The following DMC1 variants were observed in gnomAD, a reference collection of about 807,000 sequenced individuals.
The protein encoded by DMC1 is meiotic recombination protein DMC1 homolog.
A neutral mutation model predicts 50.1 loss-of-function variants in DMC1; 27 were observed. The ratio of observed to expected loss-of-function variants is 0.54; its 90% CI spans 0.40 to 0.74. The LOEUF (loss-of-function observed/expected upper bound fraction) is 0.74. Among genes scored for constraint, DMC1 ranks in the 30% least tolerant of loss-of-function variants. The pLI is 0.00. For missense variants in DMC1, 295 were observed against 420.2 expected, an observed-to-expected ratio of 0.70 and a Z score of 2.60; for synonymous variants, 148 against 136.1, an observed-to-expected ratio of 1.09 and a Z score of -0.61.
chr22:38,533,276 T>C (rs1205665373), intron 12 of DMC1, among the ~76,000 whole-genome samples: 1 of 149,790 alleles, frequency 6.7e-6, no homozygotes, highest in African/African-American at 2.5e-5. Flanking sequence ...GCGCCTATAG[T>C]CCCAAGCTAC....
chr22:38,542,314 C>T lies in DMC1; in HGVS notation c.495-2902G>A, dbSNP rs1009297323. On this transcript the variant is annotated intron_variant, in intron 8 of 13. Transcript: ENST00000216024. Reference sequence around the variant, plus strand: ...CTTATGTTTGGAAAAACCCAGACTCCACCAAAAAGCTATTAGAACTGATAA... The same window carrying T: ...CTTATGTTTGGAAAAACCCAGACTCTACCAAAAAGCTATTAGAACTGATAA... Among the ~76,000 whole-genome samples the T allele has an allele frequency of 1.3e-5, 2 of 151,902 alleles. 1 individual carries two copies. Among genetic ancestry groups the T allele is most frequent in the Non-Finnish European group, 2.9e-5 (2 of 67,990 alleles).
At chr22:38,522,382 C>T (rs2007558913) in intron 12 of DMC1, among the ~76,000 whole-genome samples, 1 of 151,888 alleles carries the variant, frequency 6.6e-6, no homozygotes, top group Non-Finnish European at 1.5e-5. Context: ...TGGCAAAAAC[C>T]CATCTCTACT....
chr22:38,568,181 A>AT, intron 2 of DMC1, 25 bp downstream of exon 2: 1 of 1,609,094 alleles, frequency 6.2e-7, no homozygotes. Context: ...GAATGTCTAT[A>AT]TATCTTTCAA....
chr22:38,561,346 TTCTCCCTGACTCCA>T (rs11570395), intron 5 of DMC1, among the ~76,000 whole-genome samples: 1,715 of 152,306 alleles, frequency 0.011, 37 homozygotes, highest in African/African-American at 0.039. Context: ...TCTATAGGTC[TTCTCCCTGACTCCA>T]TCTCTTTTTT....
intron 8 of DMC1, 92 bp downstream of exon 8, chr22:38,549,833 G>T: frequency 1.1e-6 from 1 of 941,664 alleles, no homozygotes; most frequent in Non-Finnish European, 1.7e-6. Flanking sequence ...TTTATGGAAT[G>T]ACTACAAAGA....
chr22:38,528,433 T>C lies in DMC1; in HGVS notation c.837-6709A>G, dbSNP rs114538691. 3.0e-3 allele frequency among the ~76,000 whole-genome samples: 459 copies of C among 152,120 alleles called. 5 individuals are homozygous for C. Among genetic ancestry groups the C allele is most frequent in the African/African-American group, 0.011 (451 of 41,510 alleles). ...CTGTACCTGTTCACTTACATACATT[T>C]GTTCTATCCTTACGGCAATCTTGGC... On this transcript the variant is annotated intron_variant, in intron 12 of 13. Coordinates refer to ENST00000216024, the MANE Select transcript of DMC1 (RefSeq NM_007068.4).
downstream of DMC1, among the ~76,000 whole-genome samples, chr22:38,516,932 T>A (rs1242774098): frequency 2.0e-5 from 3 of 152,172 alleles, no homozygotes; most frequent in African/African-American, 7.2e-5. Context: ...CTTAAGTGAT[T>A]CTCCCATCTC....
intron 12 of DMC1, among the ~76,000 whole-genome samples, chr22:38,523,494 A>T (rs2090052959): frequency 6.6e-6 from 1 of 152,156 alleles, no homozygotes. Context: ...TCTGTAATGT[A>T]CTTTTCATGT....
intron 13 of DMC1, 127 bp from the exon 14 acceptor site, chr22:38,520,216 A>C (rs1261390026): frequency 1.3e-6 from 1 of 783,120 alleles, no homozygotes; most frequent in African/African-American, 1.7e-5. Context: ...GGTACAACCA[A>C]ATGTGGCCTA....
rs539120088 is a variant in DMC1, at chr22:38,519,820, A to G, written c.*200T>C. On this transcript the variant is annotated 3_prime_UTR_variant, in exon 14 of 14. Transcript: ENST00000216024. ...CACACACACAAACATACATATACAT[A>G]TCCCTGAATTTACATACAATGTATA... is the stretch of plus-strand genomic sequence containing the variant. The G allele has an allele frequency of 1.2e-4, 64 of 540,294 alleles. 1 individual carries two copies. Among genetic ancestry groups the G allele is most frequent in the Non-Finnish European group, 1.6e-4 (46 of 295,828 alleles). 33.5% of individuals were successfully genotyped at this position (540,294 alleles called of 1,614,324 possible).
intron 4 of DMC1, among the ~76,000 whole-genome samples, chr22:38,563,539 T>G (rs1049227339): frequency 6.6e-6 from 1 of 152,074 alleles, no homozygotes; most frequent in African/African-American, 2.4e-5. Context: ...TCTCTCTCTC[T>G]CTCAATCACT....
chr22:38,529,088 A>G (rs909351147), intron 12 of DMC1, among the ~76,000 whole-genome samples: 3 of 151,566 alleles, frequency 2.0e-5, no homozygotes, highest in Non-Finnish European at 4.4e-5. Context: ...TCGGCTCACC[A>G]CAACCTCCGC....
chr22:38,512,432 AG>A, the DMC1 span, among the ~76,000 whole-genome samples: 1 of 152,238 alleles, frequency 6.6e-6, no homozygotes, highest in Non-Finnish European at 1.5e-5. Context: ...GACCCACTGT[AG>A]TAGCATCTCT....
intron 12 of DMC1, among the ~76,000 whole-genome samples, chr22:38,527,778 C>T (rs1033866001): frequency 6.6e-6 from 1 of 152,088 alleles, no homozygotes; most frequent in Non-Finnish European, 1.5e-5. Flanking sequence ...CTCAGCCTCC[C>T]AAAGTGCTGG....
chr22:38,510,756 G>A, the DMC1 span, among the ~76,000 whole-genome samples: 1 of 152,240 alleles, frequency 6.6e-6, no homozygotes, highest in East Asian at 1.9e-4. Flanking sequence ...CCAGCACACC[G>A]AAGGTGGGGA....
At chr22:38,532,014 T>C (rs550978980) in intron 12 of DMC1, among the ~76,000 whole-genome samples, 1 of 152,258 alleles carries the variant, frequency 6.6e-6, no homozygotes, top group Admixed American at 6.5e-5. Context: ...GCCTCTTCAA[T>C]GTTCCCTCCC....
At chr22:38,548,945 T>C (rs775487681) in intron 8 of DMC1, among the ~76,000 whole-genome samples, 2 of 152,234 alleles carry the variant, frequency 1.3e-5, no homozygotes, top group Non-Finnish European at 2.9e-5. Context: ...CACATAACTA[T>C]TCTCCTAGTA....
At chr22:38,527,391 G>A (rs2090103701) in intron 12 of DMC1, among the ~76,000 whole-genome samples, 1 of 151,782 alleles carries the variant, frequency 6.6e-6, no homozygotes, top group Non-Finnish European at 1.5e-5. Flanking sequence ...TTTCAGTAGA[G>A]ACAGAGATTC....
At chr22:38,542,767 C>T (rs1396265340) in intron 8 of DMC1, among the ~76,000 whole-genome samples, 2 of 152,136 alleles carry the variant, frequency 1.3e-5, no homozygotes, top group Non-Finnish European at 2.9e-5. Context: ...GCAAAAAGAA[C>T]GAAACTAAAG....
Sources: gnomAD v4.1 joint callset for allele counts (sites outside exome capture counted in the v4.1 genomes callset) on GRCh38, gnomAD v4.1.1 for gene constraint, MANE v1.5 for transcripts, NCBI Gene and HGNC (gene_info 2026-07-23, HGNC 2026-07-21) for gene names.